RAB33B: variants seen among roughly 807,000 people sequenced by gnomAD.
RAB33B encodes ras-related protein Rab-33B.
RAB33B carries 6 observed loss-of-function variants against 15.0 expected under a neutral mutation model. The observed-to-expected ratio is 0.40, with a 90% confidence interval of 0.22 to 0.79. RAB33B has a LOEUF of 0.79. RAB33B is among the 30% of genes least tolerant of loss of function. RAB33B has a pLI of 0.37. For missense variants in RAB33B, 257 were observed against 296.4 expected (o/e 0.87, Z 0.98); for synonymous variants, 117 against 108.3 (o/e 1.08, Z -0.50).
the RAB33B span, among the ~76,000 whole-genome samples, chr4:139,439,083 G>C: frequency 2.0e-5 from 3 of 152,092 alleles, no homozygotes; most frequent in Admixed American, 2.0e-4. Flanking sequence ...CGCAATCTTA[G>C]CTCACTGCAA....
At chr4:139,444,090 C>T in the RAB33B span, among the ~76,000 whole-genome samples, 3 of 152,122 alleles carry the variant, frequency 2.0e-5, no homozygotes, top group African/African-American at 7.2e-5. Context: ...GGAGAACAGG[C>T]ATGGGAATGG....
chr4:139,446,779 G>A, the RAB33B span, among the ~76,000 whole-genome samples: 3 of 152,206 alleles, frequency 2.0e-5, no homozygotes, highest in African/African-American at 4.8e-5. Flanking sequence ...GGTTACATAT[G>A]GGCTCGGGAA....
At chr4:139,469,028 C>T (rs1750343554) in intron 1 of RAB33B, among the ~76,000 whole-genome samples, 1 of 152,052 alleles carries the variant, frequency 6.6e-6, no homozygotes. Context: ...TATTAAATGC[C>T]TTCAGGTAGT....
chr4:139,438,976 C>T, the RAB33B span, among the ~76,000 whole-genome samples: 2 of 152,282 alleles, frequency 1.3e-5, no homozygotes, highest in Non-Finnish European at 2.9e-5. Flanking sequence ...TTATCTTCTA[C>T]TTCAATTTCG....
At chr4:139,438,756 T>C in the RAB33B span, among the ~76,000 whole-genome samples, 14 of 152,218 alleles carry the variant, frequency 9.2e-5, no homozygotes, top group Non-Finnish European at 1.5e-4. Context: ...TCAAGTCATG[T>C]TGTAAACAAA....
upstream of RAB33B, chr4:139,449,173 G>T (rs7693187): frequency 0.3 from 45,504 of 152,098 alleles, 7,551 homozygotes; most frequent in African/African-American, 0.45. Flanking sequence ...TTTTATCATG[G>T]GACATTAAGA....
intron 1 of RAB33B, among the ~76,000 whole-genome samples, chr4:139,467,827 C>T (rs1454899693): frequency 6.6e-6 from 1 of 150,978 alleles, no homozygotes; most frequent in Non-Finnish European, 1.5e-5. Flanking sequence ...TGCTGCATTC[C>T]AGCCTGGGCA....
At chr4:139,441,964 T>C in the RAB33B span, among the ~76,000 whole-genome samples, 1 of 152,226 alleles carries the variant, frequency 6.6e-6, no homozygotes, top group Non-Finnish European at 1.5e-5. Context: ...TATATACTAC[T>C]TTGGCTGAAC....
intron 1 of RAB33B, among the ~76,000 whole-genome samples, chr4:139,456,906 G>T (rs1342386569): frequency 2.0e-5 from 3 of 152,018 alleles, no homozygotes; most frequent in Admixed American, 6.6e-5. Context: ...CTGCTTTTTG[G>T]TTAACCTGTA....
chr4:139,451,188 T>G (rs1358230769), upstream of RAB33B: 1 of 151,964 alleles, frequency 6.6e-6, no homozygotes, highest in Non-Finnish European at 1.5e-5. Context: ...TGTAAGCCAC[T>G]GCACCCAGCC....
chr4:139,452,363 C>T (rs757634986), upstream of RAB33B: 9 of 152,134 alleles, frequency 5.9e-5, no homozygotes, highest in Non-Finnish European at 1.0e-4. Context: ...TTACCAAGAG[C>T]TAAACTAAAA....
intron 1 of RAB33B, among the ~76,000 whole-genome samples, chr4:139,459,392 C>T (rs1362570329): frequency 6.6e-6 from 1 of 152,086 alleles, no homozygotes; most frequent in African/African-American, 2.4e-5. Context: ...GCCATGATCA[C>T]ACCATTGCTC....
chr4:139,441,843 A>T, the RAB33B span, among the ~76,000 whole-genome samples: 1 of 152,182 alleles, frequency 6.6e-6, no homozygotes, highest in Non-Finnish European at 1.5e-5. Flanking sequence ...CTAGGTGAGG[A>T]GACAGATTTC....
rs1286696791 is a variant in RAB33B, at chr4:139,476,339, A to T, written c.*3213A>T. On this transcript the variant is annotated 3_prime_UTR_variant, in exon 2 of 2. Transcript: ENST00000305626. ...TGATTTAGACACCATAGGATTAGGG[A>T]TGTGGGGGCCTCTGATGTTGATTCT... 6.6e-6 allele frequency: 1 copy of T among 152,202 alleles called. No individual in the cohort carries two copies. Among genetic ancestry groups the T allele is most frequent in the Non-Finnish European group, 1.5e-5 (1 of 68,040 alleles). 9.4% of individuals were successfully genotyped at this position (152,202 alleles called of 1,614,324 possible).
chr4:139,472,558 T>G, intron 1 of RAB33B, 128 bp from the exon 2 acceptor site: 1 of 687,240 alleles, frequency 1.5e-6, no homozygotes. Context: ...TGAAAAGACA[T>G]TATGGAAGGG....
At chr4:139,442,061 G>C in the RAB33B span, among the ~76,000 whole-genome samples, 1 of 151,884 alleles carries the variant, frequency 6.6e-6, no homozygotes, top group African/African-American at 2.4e-5. Context: ...TTTTCTCCTT[G>C]ACCCAGATTT....
chr4:139,440,478 G>GAA, the RAB33B span, among the ~76,000 whole-genome samples: 2 of 152,142 alleles, frequency 1.3e-5, no homozygotes, highest in East Asian at 3.8e-4. Flanking sequence ...ACGTTTTGAG[G>GAA]ACAATGTACT....
intron 1 of RAB33B, among the ~76,000 whole-genome samples, chr4:139,461,795 G>A (rs974093353): frequency 1.3e-5 from 2 of 151,498 alleles, no homozygotes; most frequent in Non-Finnish European, 2.9e-5. Flanking sequence ...TTTTGACCAG[G>A]CATGGTGGCT....
At chr4:139,447,588 G>A in the RAB33B span, among the ~76,000 whole-genome samples, 1 of 150,314 alleles carries the variant, frequency 6.7e-6, no homozygotes, top group African/African-American at 2.4e-5. Context: ...TAAGTCAACA[G>A]TCTAAGAAGG....
Sources: gnomAD v4.1 joint callset for allele counts (sites outside exome capture counted in the v4.1 genomes callset) on GRCh38, gnomAD v4.1.1 for gene constraint, MANE v1.5 for transcripts, NCBI Gene and HGNC (gene_info 2026-07-23, HGNC 2026-07-21) for gene names.